The following ARID4B variants were observed in gnomAD, a reference collection of about 807,000 sequenced individuals.
The protein encoded by ARID4B is AT-rich interaction domain 4B, also known as AT-rich interactive domain-containing protein 4B.
ARID4B carries 26 observed loss-of-function variants against 147.5 expected under a neutral mutation model. The ratio of observed to expected loss-of-function variants is 0.18; its 90% CI spans 0.13 to 0.24. ARID4B has a LOEUF of 0.24. Among genes scored for constraint, ARID4B ranks in the 10% least tolerant of loss-of-function variants. The pLI is 1.00. For missense variants in ARID4B, 1,179 were observed against 1,511.5 expected, an observed-to-expected ratio of 0.78 and a Z score of 3.65; for synonymous variants, 512 against 507.9, an observed-to-expected ratio of 1.01 and a Z score of -0.11.
intron 5 of ARID4B, among the ~76,000 whole-genome samples, chr1:235,253,938 A>C (rs1269494036): frequency 6.6e-6 from 1 of 152,200 alleles, no homozygotes; most frequent in Non-Finnish European, 1.5e-5. Context: ...AAAGAAAGCC[A>C]ATACCCTTTC....
In ARID4B at chr1:235,182,436, C is replaced by A. The variant is rs146494421; in HGVS notation, c.2483G>T (p.Cys828Phe). 1 of 1,611,754 alleles carries A rather than the reference C, an allele frequency of 6.2e-7. No homozygotes were observed. Among genetic ancestry groups the A allele is most frequent in the African/African-American group, 1.3e-5 (1 of 74,760 alleles). ...AGTTTTTAGACACTCTTCTGTATTG[C>A]AATACCTTCTTTTACCACGTTTTAT... is the stretch of plus-strand genomic sequence containing the variant. Reference protein sequence around the residue: ...PQIKRGKRRYCNTEECLKTGS... With the variant: ...PQIKRGKRRYFNTEECLKTGS... Residue 828 changes from cysteine to phenylalanine, a missense_variant, in exon 20 of 24, where the codon TGC becomes TTC. Coordinates refer to ENST00000264183, the MANE Select transcript of ARID4B (RefSeq NM_016374.6).
chr1:235,323,109 C>T (rs561311948), intron 2 of ARID4B, among the ~76,000 whole-genome samples: 1 of 150,500 alleles, frequency 6.6e-6, no homozygotes, highest in Admixed American at 6.6e-5. Flanking sequence ...GGTGCCATCT[C>T]GACTCACTGC....
intron 2 of ARID4B, among the ~76,000 whole-genome samples, chr1:235,302,153 G>GAAAAAAAAAAAAAAAAAAAAAAAAAAA (rs749154889): frequency 6.5e-5 from 2 of 30,666 alleles, no homozygotes; most frequent in Non-Finnish European, 1.1e-4. Context: ...TCAAAAAACG[G>GAAAAAAAAAAAAAAAAAAAAAAAAAAA]AAAAAAAAAA....
rs115021816 is a variant in ARID4B, at chr1:235,242,964, T to C, written c.447-2513A>G. 4.8e-3 allele frequency among the ~76,000 whole-genome samples: 729 copies of C among 152,300 alleles called. 1 individual carries two copies. Among genetic ancestry groups the C allele is most frequent in the Non-Finnish European group, 8.1e-3 (551 of 68,012 alleles). ...CACAGCATTCACTTTTATCATACTA[T>C]ATAATTTACTTATTTCTTATGTTTA... On this transcript the variant is annotated intron_variant, in intron 7 of 23. Coordinates refer to ENST00000264183, the MANE Select transcript of ARID4B (RefSeq NM_016374.6).
chr1:235,240,297 T>C lies in ARID4B; in HGVS notation c.585+16A>G, dbSNP rs1471484037. Reference sequence around the variant, plus strand: ...TAAAGTTTGAAATTAAACTCTTGTATACTGAAGCTACTCACCAATGCAGGA... The same window carrying C: ...TAAAGTTTGAAATTAAACTCTTGTACACTGAAGCTACTCACCAATGCAGGA... On this transcript the variant is annotated intron_variant, in intron 8 of 23. Coordinates refer to ENST00000264183, the MANE Select transcript of ARID4B (RefSeq NM_016374.6). 5.6e-6 allele frequency: 9 copies of C among 1,601,092 alleles called. No individual in the cohort carries two copies. In the African/African-American group the frequency reaches 9.4e-5, roughly 17 times the overall value.
intron 2 of ARID4B, among the ~76,000 whole-genome samples, chr1:235,281,578 T>C (rs552957807): frequency 1.3e-5 from 2 of 152,056 alleles, no homozygotes; most frequent in South Asian, 2.1e-4. Context: ...TGGTAGCCCA[T>C]GCCTGTGGCC....
At chr1:235,192,057 C>A (rs771644640) in intron 19 of ARID4B, among the ~76,000 whole-genome samples, 1 of 151,790 alleles carries the variant, frequency 6.6e-6, no homozygotes, top group Admixed American at 6.6e-5. Flanking sequence ...GGTGACAGAG[C>A]GAGACTCTGC....
intron 16 of ARID4B, among the ~76,000 whole-genome samples, chr1:235,215,709 A>C (rs185621784): frequency 6.6e-6 from 1 of 151,906 alleles, no homozygotes; most frequent in African/African-American, 2.4e-5. Context: ...CAGCATCCCA[A>C]GTAGCTGGGA....
intron 17 of ARID4B, among the ~76,000 whole-genome samples, chr1:235,205,269 A>G (rs1666233745): frequency 6.6e-6 from 1 of 152,218 alleles, no homozygotes; most frequent in Non-Finnish European, 1.5e-5. Context: ...TAGAGCAGGA[A>G]AGAACAAAGA....
chr1:235,218,253 T>C (rs1667223240), intron 16 of ARID4B, among the ~76,000 whole-genome samples: 1 of 152,110 alleles, frequency 6.6e-6, no homozygotes, highest in South Asian at 2.1e-4. Flanking sequence ...CATATACTAA[T>C]AAATATCTGT....
chr1:235,180,825 A>G (rs1336874961), intron 20 of ARID4B: 2 of 152,986 alleles, frequency 1.3e-5, no homozygotes, highest in Non-Finnish European at 2.9e-5. Flanking sequence ...GCCAGGTGTC[A>G]GCCTAGAGTA....
chr1:235,221,010 G>A (rs913491964), intron 14 of ARID4B, among the ~76,000 whole-genome samples: 2 of 152,098 alleles, frequency 1.3e-5, no homozygotes, highest in South Asian at 4.1e-4. Context: ...CAATTCTCCT[G>A]CCTCAGCCTC....
At chr1:235,246,875 A>G (rs1409162483) in intron 6 of ARID4B, among the ~76,000 whole-genome samples, 1 of 152,194 alleles carries the variant, frequency 6.6e-6, no homozygotes, top group Non-Finnish European at 1.5e-5. Context: ...GGCCAACTGC[A>G]GCTCCAATAT....
At chr1:235,296,775 T>TA (rs1211104009) in intron 2 of ARID4B, among the ~76,000 whole-genome samples, 15,177 of 69,130 alleles carry the variant, frequency 0.22, 2,163 homozygotes, top group African/African-American at 0.41. Context: ...TTACTCTAAT[T>TA]AAAAAAAAAA....
intron 17 of ARID4B, among the ~76,000 whole-genome samples, chr1:235,210,663 A>G (rs1354874818): frequency 6.6e-6 from 1 of 152,196 alleles, no homozygotes; most frequent in Non-Finnish European, 1.5e-5. Context: ...GATCCATCCT[A>G]CAGGTCTTCA....
chr1:235,239,118 T>A (rs1375653650), intron 8 of ARID4B, among the ~76,000 whole-genome samples: 1 of 151,954 alleles, frequency 6.6e-6, no homozygotes, highest in African/African-American at 2.4e-5. Flanking sequence ...TACAGGCATG[T>A]GCCACCACAG....
At chr1:235,210,069 G>T (rs188300344) in intron 17 of ARID4B, among the ~76,000 whole-genome samples, 15 of 151,942 alleles carry the variant, frequency 9.9e-5, no homozygotes, top group Non-Finnish European at 1.9e-4. Context: ...CTCTACAAAA[G>T]ATAAAAAATT....
intron 2 of ARID4B, among the ~76,000 whole-genome samples, chr1:235,282,443 C>T (rs570808352): frequency 2.0e-5 from 3 of 152,076 alleles, no homozygotes; most frequent in Non-Finnish European, 2.9e-5. Flanking sequence ...TTAGTGAATG[C>T]GAAAATTAGT....
At chr1:235,235,121 A>G (rs1309043884) in intron 8 of ARID4B, among the ~76,000 whole-genome samples, 1 of 152,210 alleles carries the variant, frequency 6.6e-6, no homozygotes, top group Non-Finnish European at 1.5e-5. Flanking sequence ...AGGGAAGTAG[A>G]AAGATGAACA....
Sources: gnomAD v4.1 joint callset for allele counts (sites outside exome capture counted in the v4.1 genomes callset) on GRCh38, gnomAD v4.1.1 for gene constraint, MANE v1.5 for transcripts, NCBI Gene and HGNC (gene_info 2026-07-23, HGNC 2026-07-21) for gene names.